CSNK2A1: variants seen among roughly 807,000 people sequenced by gnomAD.
The protein encoded by CSNK2A1 is casein kinase 2 alpha 1, also known as casein kinase II subunit alpha.
CSNK2A1 carries 10 observed loss-of-function variants against 62.9 expected under a neutral mutation model. The ratio of observed to expected loss-of-function variants is 0.16; its 90% CI spans 0.10 to 0.27. The LOEUF is 0.27. CSNK2A1 is among the 10% of genes least tolerant of loss of function. The probability of loss-of-function intolerance (pLI) is 1.00; values close to 1 mark genes in which losing one functional copy is unlikely to be tolerated. For synonymous variants in CSNK2A1, 124 were observed against 167.8 expected, an observed-to-expected ratio of 0.74 and a Z score of 2.02; for missense variants, 160 against 492.0, an observed-to-expected ratio of 0.33 and a Z score of 6.38.
Position 495,016 on chromosome 20 carries a change from C to A in CSNK2A1, c.510+703G>T, listed in dbSNP as rs2018317191. On this transcript the variant is annotated intron_variant, in intron 8 of 13. Transcript: ENST00000217244. ...TTTTCTTCTACATCAAAATAACTTT[C>A]TATCCCACCAGCCTCCCTAAATGTA... is the stretch of plus-strand genomic sequence containing the variant. 2.0e-5 allele frequency: 3 copies of A among 152,226 alleles called. No homozygotes were observed. In the South Asian group the frequency reaches 6.2e-4, roughly 31 times the overall value. The allele number at this position is 152,226 out of a possible 1,614,324, so 9.4% of individuals were successfully genotyped here.
intron 11 of CSNK2A1, 89 bp from the exon 12 acceptor site, chr20:487,664 G>A: frequency 6.3e-7 from 1 of 1,576,316 alleles, no homozygotes; most frequent in Non-Finnish European, 8.6e-7. Context: ...GTGGCTAACA[G>A]CCCAGACAAA....
chr20:511,232 T>C (rs548485774), intron 2 of CSNK2A1, among the ~76,000 whole-genome samples: 34 of 151,912 alleles, frequency 2.2e-4, no homozygotes, highest in Admixed American at 6.6e-5. Context: ...CCCAGCTACT[T>C]GGGAGGCTGA....
rs2017905319 is a variant in CSNK2A1 at position 479,021 on chromosome 20, A to G, written c.*4940T>C. On this transcript the variant is annotated 3_prime_UTR_variant, in exon 14 of 14. Coordinates refer to ENST00000217244, the MANE Select transcript of CSNK2A1 (RefSeq NM_177559.3). Reference sequence around the variant, plus strand: ...TACAGTGCAAAATATCTGGCTTTCCATAGAGGGAGTGGGAACAAGGCAATG... The same window carrying G: ...TACAGTGCAAAATATCTGGCTTTCCGTAGAGGGAGTGGGAACAAGGCAATG... The G allele has an allele frequency of 6.5e-6, 1 of 153,402 alleles. No individual in the cohort carries two copies. Among genetic ancestry groups the G allele is most frequent in the Non-Finnish European group, 1.5e-5 (1 of 68,462 alleles). 9.5% of individuals were successfully genotyped at this position (153,402 alleles called of 1,614,324 possible). A position where few individuals can be genotyped will look rare whatever the true frequency, so the allele number is the denominator to read the frequency against.
intron 2 of CSNK2A1, among the ~76,000 whole-genome samples, chr20:522,708 ATTTT>A (rs1555767769): frequency 7.4e-6 from 1 of 134,466 alleles, no homozygotes; most frequent in Admixed American, 7.5e-5. Flanking sequence ...TTATTTATTT[ATTTT>A]TAGAGATGGG....
intron 2 of CSNK2A1, among the ~76,000 whole-genome samples, chr20:519,690 AGCCGC>A (rs2018904616): frequency 6.6e-6 from 1 of 152,274 alleles, no homozygotes; most frequent in African/African-American, 2.4e-5. Context: ...AAAAATAAAT[AGCCGC>A]CAAATTAAAA....
At chr20:486,982 C>G in intron 12 of CSNK2A1, 1 of 186,652 alleles carries the variant, frequency 5.4e-6, no homozygotes, top group East Asian at 1.3e-4. Context: ...CAGCTAACAT[C>G]ACAGTGCAGA....
chr20:520,627 G>GTA lies in CSNK2A1; in HGVS notation c.-110+7304_-110+7305dup, dbSNP rs1568548631. Among the ~76,000 whole-genome samples the GTA allele has an allele frequency of 4.6e-5, 7 of 152,236 alleles. No homozygotes were observed. The South Asian group carries it at 1.5e-3, about 32-fold the overall frequency. ...TGATTCTCCTGCCTCAGCCTCCAAA[G>GTA]TAGCTAGGACCACAGGAGTGTGTCA... On this transcript the variant is annotated intron_variant, in intron 2 of 13. Transcript: ENST00000217244.
At chr20:488,490 T>G in intron 11 of CSNK2A1, 188 bp downstream of exon 11, 4 of 539,194 alleles carry the variant, frequency 7.4e-6, no homozygotes, top group Non-Finnish European at 1.3e-5. Flanking sequence ...GTAAGTTAAT[T>G]TGAATAAAGG....
intron 13 of CSNK2A1, 52 bp from the exon 14 acceptor site, chr20:484,128 A>T: frequency 7.0e-7 from 1 of 1,426,276 alleles, no homozygotes; most frequent in Non-Finnish European, 9.4e-7. Context: ...TGGCAATCTT[A>T]CCAGTTTCTC....
At chr20:537,493 T>C (rs1600420378) in intron 1 of CSNK2A1, among the ~76,000 whole-genome samples, 1 of 148,630 alleles carries the variant, frequency 6.7e-6, no homozygotes, top group East Asian at 1.9e-4. Context: ...GACTTCTACA[T>C]GTGAAAAAAA....
In CSNK2A1 at chr20:528,061, G is replaced by T. The variant is rs558749847; in HGVS notation, c.-226-12C>A. ...AAGCCTTGATAGAGCTACAAAAACA[G>T]TTCAGTACTCCGTTACTGAAAGGAT... On this transcript the variant is annotated splice_polypyrimidine_tract_variant and intron_variant, in intron 1 of 13. Transcript: ENST00000217244. 6 of 152,296 alleles carry T rather than the reference G, an allele frequency of 3.9e-5. No homozygotes were observed. Among genetic ancestry groups the T allele is most frequent in the African/African-American group, 1.4e-4 (6 of 41,544 alleles). The allele number at this position is 152,296 out of a possible 1,614,324, so 9.4% of individuals were successfully genotyped here.
At chr20:533,454 T>C (rs1466480807) in intron 1 of CSNK2A1, among the ~76,000 whole-genome samples, 2 of 152,070 alleles carry the variant, frequency 1.3e-5, no homozygotes, top group African/African-American at 4.8e-5. Flanking sequence ...ACAATGCACA[T>C]AGGCCAGGTG....
At chr20:532,999 T>C (rs947419248) in intron 1 of CSNK2A1, among the ~76,000 whole-genome samples, 13 of 152,342 alleles carry the variant, frequency 8.5e-5, no homozygotes, top group South Asian at 8.3e-4. Context: ...TTCATATTGA[T>C]TCTCTTTTCC....
Position 479,744 on chromosome 20 carries a change from A to AT in CSNK2A1, c.*4216dup, listed in dbSNP as rs2017917732. ...CAGAACATCTTGTGACACCATCTAC[A>AT]TATGTTTTACTTGGAGAATAGTCTG... On this transcript the variant is annotated 3_prime_UTR_variant, in exon 14 of 14. Coordinates refer to ENST00000217244, the MANE Select transcript of CSNK2A1 (RefSeq NM_177559.3). The AT allele has an allele frequency of 6.6e-6, 1 of 152,224 alleles. No homozygotes were observed. The highest frequency in any genetic ancestry group is 1.5e-5 in the Non-Finnish European group (1 of 68,036). 9.4% of individuals were successfully genotyped at this position (152,224 alleles called of 1,614,324 possible).
chr20:520,491 T>C (rs2018922903), intron 2 of CSNK2A1, among the ~76,000 whole-genome samples: 1 of 152,030 alleles, frequency 6.6e-6, no homozygotes, highest in African/African-American at 2.4e-5. Flanking sequence ...TATACATATA[T>C]ATATAAATAT....
chr20:487,061 G>A (rs530714463), intron 12 of CSNK2A1: 1 of 226,174 alleles, frequency 4.4e-6, no homozygotes. Flanking sequence ...TCTAAGTCAA[G>A]GTGTTCATAC....
intron 8 of CSNK2A1, 69 bp from the exon 9 acceptor site, chr20:492,433 T>A (rs1274186709): frequency 2.0e-6 from 3 of 1,486,886 alleles, no homozygotes; most frequent in East Asian, 2.3e-5. Flanking sequence ...ATTAGCATAC[T>A]CTTGATAAAA....
chr20:486,512 C>A (rs1273917828), intron 12 of CSNK2A1, 50 bp from the exon 13 acceptor site: 1 of 1,601,062 alleles, frequency 6.2e-7, no homozygotes, highest in Non-Finnish European at 8.5e-7. Flanking sequence ...AAAGATTAAA[C>A]TAATGGTCTG....
intron 2 of CSNK2A1, among the ~76,000 whole-genome samples, chr20:512,943 T>C (rs2018755022): frequency 6.6e-6 from 1 of 151,926 alleles, no homozygotes; most frequent in South Asian, 2.1e-4. Context: ...CCCAAAGAAA[T>C]AAGGTCATCT....
Sources: gnomAD v4.1 joint callset for allele counts (sites outside exome capture counted in the v4.1 genomes callset) on GRCh38, gnomAD v4.1.1 for gene constraint, MANE v1.5 for transcripts, NCBI Gene and HGNC (gene_info 2026-07-23, HGNC 2026-07-21) for gene names.